ANKDD1A: variants seen among roughly 807,000 people sequenced by gnomAD.
The protein encoded by ANKDD1A is ankyrin repeat and death domain containing 1A.
Under a neutral mutation model 63.5 loss-of-function variants are expected in ANKDD1A, and 59 were observed. The observed-to-expected ratio is 0.93, with a 90% CI of 0.75 to 1.15. The LOEUF (loss-of-function observed/expected upper bound fraction) is 1.15. Among genes scored for constraint, ANKDD1A ranks in the 50% most tolerant of loss-of-function variants. The pLI is 0.00. For missense variants in ANKDD1A, 632 were observed against 656.4 expected, an observed-to-expected ratio of 0.96 and a Z score of 0.41; for synonymous variants, 266 against 263.9, an observed-to-expected ratio of 1.01 and a Z score of -0.08.
intron 8 of ANKDD1A, 21 bp from the exon 9 acceptor site, chr15:64,934,115 T>A: frequency 6.3e-7 from 1 of 1,598,638 alleles, no homozygotes; most frequent in Non-Finnish European, 8.5e-7. Flanking sequence ...TGATAACGCA[T>A]TGATGCCTGT....
At chr15:64,935,233 A>C (rs1340180910) in intron 9 of ANKDD1A, among the ~76,000 whole-genome samples, 1 of 151,466 alleles carries the variant, frequency 6.6e-6, no homozygotes, top group Non-Finnish European at 1.5e-5. Flanking sequence ...CTCAAAAAAA[A>C]AAAAAAAAAA....
chr15:64,924,645 A>G (rs1178530167), intron 4 of ANKDD1A, among the ~76,000 whole-genome samples: 1 of 152,234 alleles, frequency 6.6e-6, no homozygotes, highest in South Asian at 2.1e-4. Flanking sequence ...ATAGACTATA[A>G]TAAGATTTCA....
At chr15:64,936,820 G>C (rs924365926) in intron 9 of ANKDD1A, among the ~76,000 whole-genome samples, 3 of 151,930 alleles carry the variant, frequency 2.0e-5, no homozygotes, top group Non-Finnish European at 4.4e-5. Flanking sequence ...CTCCAGCCTG[G>C]GTAACAGAGT....
intron 14 of ANKDD1A, among the ~76,000 whole-genome samples, chr15:64,954,849 T>A (rs2085399294): frequency 9.2e-5 from 2 of 21,816 alleles, no homozygotes; most frequent in Non-Finnish European, 1.9e-4. Context: ...TCTTCTTCCT[T>A]CTTCTTCTTT....
At position 64,958,503 on chromosome 15, in the gene ANKDD1A, A is replaced by AAAAGT. The variant is rs1043461457; in HGVS notation, c.*1321_*1325dup. On this transcript the variant is annotated 3_prime_UTR_variant, in exon 15 of 15. Coordinates refer to ENST00000319580, the MANE Select transcript of ANKDD1A (RefSeq NM_182703.6). ...AAATAGAAAGTCTGTGAAAAAAAAC[A>AAAAGT]AAAGTAAAGTTATAAAAGGAAAAGA... 2.0e-5 allele frequency: 3 copies of AAAAGT among 152,212 alleles called. No homozygotes were observed. Among genetic ancestry groups the AAAAGT allele is most frequent in the Non-Finnish European group, 4.4e-5 (3 of 68,036 alleles). The allele number at this position is 152,212 out of a possible 1,614,324, so 9.4% of individuals were successfully genotyped here.
chr15:64,952,978 G>GTCTCT (rs1555397740), intron 14 of ANKDD1A, among the ~76,000 whole-genome samples: 6 of 139,734 alleles, frequency 4.3e-5, no homozygotes, highest in Non-Finnish European at 7.6e-5. Context: ...TTTTCTTCTT[G>GTCTCT]TCTCTCCTTC....
intron 8 of ANKDD1A, 107 bp downstream of exon 8, chr15:64,931,692 C>A: frequency 8.2e-7 from 1 of 1,223,496 alleles, no homozygotes; most frequent in Admixed American, 2.0e-5. Context: ...ATAGAGGCTT[C>A]GAGGCAGCAG....
intron 14 of ANKDD1A, among the ~76,000 whole-genome samples, chr15:64,954,854 TTC>T (rs2085399457): frequency 2.7e-5 from 2 of 74,110 alleles, no homozygotes; most frequent in Admixed American, 1.8e-4. Context: ...TTCCTTCTTC[TTC>T]TTTCTTCTCC....
Position 64,917,398 on chromosome 15 carries a change from G to A in ANKDD1A, c.151G>A (p.Ala51Thr). Residue 51 changes from alanine (A) to threonine (T), a missense_variant, in exon 3 of 15, where the codon GCC becomes ACC. Transcript: ENST00000319580. ...TRARNHVGRV[A>T]LHWAAGAGHE... The stretch of plus-strand genomic sequence containing the variant: ...TCCCTCCGGGCAGGTGGGCAGGGTG[G>A]CCCTGCACTGGGCTGCAGGTGCAGG... 6.2e-7 allele frequency: 1 copy of A among 1,609,988 alleles called. No individual in the cohort carries two copies. Among genetic ancestry groups the A allele is most frequent in the Non-Finnish European group, 8.5e-7 (1 of 1,178,764 alleles).
intron 14 of ANKDD1A, among the ~76,000 whole-genome samples, chr15:64,953,162 T>TTCC (rs2085332491): frequency 3.0e-5 from 1 of 32,912 alleles, no homozygotes. Flanking sequence ...CCTTTCTTCT[T>TTCC]TCCTTCTTTT....
chr15:64,944,696 C>T lies in ANKDD1A; in HGVS notation c.1110C>T (p.Val370=). The T allele has an allele frequency of 6.2e-7, 1 of 1,614,152 alleles. No individual in the cohort carries two copies. The highest frequency in any genetic ancestry group is 1.1e-5 in the South Asian group (1 of 91,078). The change falls in exon 12 of 15, where the codon GTC becomes GTT. Residue 370 remains valine (V), a synonymous_variant. Coordinates refer to ENST00000319580, the MANE Select transcript of ANKDD1A (RefSeq NM_182703.6). ...CAGTGGCCGTCCGCAGCAACCATGT[C>T]AGCCTGGTGGACATGATCATAAAAG... ...ALAVAVRSNH[V]SLVDMIIKAD...
intron 14 of ANKDD1A, among the ~76,000 whole-genome samples, chr15:64,953,729 C>A (rs1301670632): frequency 1.1e-5 from 1 of 91,226 alleles, no homozygotes; most frequent in Non-Finnish European, 2.3e-5. Context: ...TCTCCTTCTT[C>A]TCCTCCTTCT....
chr15:64,925,909 G>C (rs556445364), intron 4 of ANKDD1A, among the ~76,000 whole-genome samples, 157 bp from the exon 5 acceptor site: 15 of 152,170 alleles, frequency 9.9e-5, no homozygotes, highest in Non-Finnish European at 5.9e-5. Context: ...GTGGGCAGCA[G>C]AGTGGGTTAT....
In ANKDD1A at chr15:64,926,064, A is replaced by G. The variant is rs767562425; in HGVS notation, c.367-2A>G. 6.2e-6 allele frequency: 10 copies of G among 1,612,420 alleles called. No individual in the cohort carries two copies. The South Asian group carries it at 8.8e-5, about 14-fold the overall frequency. ...CAGGAACCCTCCTGCACTTGTTTCC[A>G]GGATGGCCTGACCTTACTGCACTGC... On this transcript the variant is annotated splice_acceptor_variant, in intron 4 of 14. Transcript: ENST00000319580. LOFTEE classifies it high-confidence loss of function.
Position 64,950,891 on chromosome 15 carries a change from T to G in ANKDD1A, c.1483+919T>G, listed in dbSNP as rs2085264826. On this transcript the variant is annotated intron_variant, in intron 14 of 14. Coordinates refer to ENST00000319580, the MANE Select transcript of ANKDD1A (RefSeq NM_182703.6). Reference sequence around the variant, plus strand: ...CAAACTGTGGCATGCAATTAAAACATAAAACCAGTCCTGTGAGGCAGAGCT... The same window carrying G: ...CAAACTGTGGCATGCAATTAAAACAGAAAACCAGTCCTGTGAGGCAGAGCT... 2.7e-5 allele frequency: 33 copies of G among 1,213,484 alleles called. No individual in the cohort carries two copies. In the South Asian group the frequency reaches 4.8e-4, roughly 18 times the overall value. The allele number at this position is 1,213,484 out of a possible 1,614,324, so 75.2% of individuals were successfully genotyped here.
chr15:64,915,764 C>G (rs2084964018), intron 1 of ANKDD1A, 33 bp from the exon 2 acceptor site: 1 of 1,583,964 alleles, frequency 6.3e-7, no homozygotes. Flanking sequence ...GGGCATCCTC[C>G]CCCTCATCCT....
intron 9 of ANKDD1A, among the ~76,000 whole-genome samples, chr15:64,936,848 A>G (rs917149978): frequency 1.3e-5 from 2 of 152,176 alleles, no homozygotes; most frequent in Non-Finnish European, 2.9e-5. Flanking sequence ...TATCTCTAAA[A>G]AAAATTTTTT....
chr15:64,934,301 C>G, intron 9 of ANKDD1A, 67 bp downstream of exon 9: 2 of 1,467,364 alleles, frequency 1.4e-6, no homozygotes. Context: ...ACTGATGAAG[C>G]ACAGGGAGAA....
Position 64,926,084 on chromosome 15 carries a change from C to A in ANKDD1A, c.385C>A (p.His129Asn), listed in dbSNP as rs1331432721. 1.2e-6 allele frequency: 2 copies of A among 1,613,710 alleles called. No homozygotes were observed. ...CESKDGLTLLHCAAQKGHVPV... is the reference protein window; with the variant it reads ...CESKDGLTLLNCAAQKGHVPV... ...TTTCCAGGATGGCCTGACCTTACTGCACTGCGCAGCCCAAAAAGGCCATGT... is the reference window on the plus strand; with the variant it reads ...TTTCCAGGATGGCCTGACCTTACTGAACTGCGCAGCCCAAAAAGGCCATGT... The change falls in exon 5 of 15, where the codon CAC (histidine) becomes AAC (asparagine). Residue 129 changes from histidine to asparagine, a missense_variant. His to Asn is a moderately conservative substitution (Grantham distance 68). Transcript: ENST00000319580.
Sources: gnomAD v4.1 joint callset for allele counts (sites outside exome capture counted in the v4.1 genomes callset) on GRCh38, gnomAD v4.1.1 for gene constraint, MANE v1.5 for transcripts, NCBI Gene and HGNC (gene_info 2026-07-23, HGNC 2026-07-21) for gene names.